EPC1: variants seen among roughly 807,000 people sequenced by gnomAD.
The protein encoded by EPC1 is enhancer of polycomb homolog 1.
Under a neutral mutation model 98.4 loss-of-function variants are expected in EPC1, and 12 were observed. The ratio of observed to expected loss-of-function variants is 0.12; its 90% CI spans 0.08 to 0.20. The LOEUF is 0.20. EPC1 is among the 10% of genes least tolerant of loss of function. The probability of loss-of-function intolerance (pLI) is 1.00; values close to 1 mark genes in which losing one functional copy is unlikely to be tolerated. For synonymous variants in EPC1, 357 were observed against 363.9 expected (o/e 0.98, Z 0.21); for missense variants, 729 against 990.5 (o/e 0.74, Z 3.54).
intron 1 of EPC1, among the ~76,000 whole-genome samples, chr10:32,358,218 G>T (rs1480541421): frequency 6.6e-6 from 1 of 152,120 alleles, no homozygotes; most frequent in African/African-American, 2.4e-5. Context: ...ACTATTATTT[G>T]ACAAAGATAC....
chr10:32,354,379 G>A (rs896232609), intron 1 of EPC1, among the ~76,000 whole-genome samples: 15 of 152,044 alleles, frequency 9.9e-5, no homozygotes, highest in African/African-American at 3.6e-4. Context: ...GTGTGGACCC[G>A]GGAGGCGGAG....
chr10:32,345,078 TTAGAAA>T lies in EPC1; in HGVS notation c.153+1679_153+1684del, dbSNP rs1252631514. ...TACTTGAAAGTATTATCTGTAAAAC[TTAGAAA>T]TAAAAATAAAACCAAAAGACAAGAT... On this transcript the variant is annotated intron_variant, in intron 1 of 13. Coordinates refer to ENST00000319778, the MANE Select transcript of EPC1 (RefSeq NM_001272004.3). The T allele has an allele frequency of 4.4e-6, 4 of 900,756 alleles. No homozygotes were observed. In the East Asian group the frequency reaches 3.6e-4, roughly 80 times the overall value. The allele number at this position is 900,756 out of a possible 1,614,324, so 55.8% of individuals were successfully genotyped here.
At chr10:32,270,816 G>A (rs1424699140) in intron 13 of EPC1, among the ~76,000 whole-genome samples, 15 of 84,444 alleles carry the variant, frequency 1.8e-4, no homozygotes, top group Admixed American at 3.8e-4. Flanking sequence ...AGCGAGACTC[G>A]GTCTCAAAAA....
intron 2 of EPC1, among the ~76,000 whole-genome samples, chr10:32,299,517 G>C (rs909372422): frequency 4.8e-5 from 7 of 147,208 alleles, no homozygotes; most frequent in African/African-American, 1.8e-4. Flanking sequence ...ATGTTTTTTG[G>C]GTATGTCCCC....
intron 1 of EPC1, among the ~76,000 whole-genome samples, chr10:32,358,287 A>G (rs16933278): frequency 0.024 from 3,653 of 152,326 alleles, 148 homozygotes; most frequent in African/African-American, 0.082. Flanking sequence ...TATAGAATGC[A>G]CTGACTTTTC....
chr10:32,361,658 T>G (rs758196361), intron 1 of EPC1, among the ~76,000 whole-genome samples: 18 of 152,216 alleles, frequency 1.2e-4, no homozygotes, highest in Non-Finnish European at 2.5e-4. Context: ...ATCTATGTGC[T>G]TCCAAGCTTC....
intron 5 of EPC1, chr10:32,291,600 A>G (rs45489493): frequency 0.091 from 17,267 of 189,270 alleles, 1,002 homozygotes; most frequent in Non-Finnish European, 0.12. Flanking sequence ...TTTGACCAAC[A>G]TATAAAATAT....
At chr10:32,370,705 G>C (rs1839720638) in intron 1 of EPC1, among the ~76,000 whole-genome samples, 1 of 152,186 alleles carries the variant, frequency 6.6e-6, no homozygotes, top group Admixed American at 6.5e-5. Flanking sequence ...CGATATGGTA[G>C]CTACTAGCTG....
rs557829531 is a variant in EPC1 at position 32,311,709 on chromosome 10, C to T, written c.154-5778G>A. On this transcript the variant is annotated intron_variant, in intron 1 of 13. Transcript: ENST00000319778. The stretch of plus-strand genomic sequence containing the variant: ...CTGTGTATGCTATATTTTTCCTATA[C>T]GTACATACCTATGATAAAGCTTAAT... Among the ~76,000 whole-genome samples, 137 of 152,224 alleles carry T rather than the reference C, an allele frequency of 9.0e-4. 1 individual carries two copies. The highest frequency in any genetic ancestry group is 3.2e-3 in the African/African-American group (134 of 41,546).
At chr10:32,276,530 A>C (rs1245758246) in intron 10 of EPC1, among the ~76,000 whole-genome samples, 1 of 152,182 alleles carries the variant, frequency 6.6e-6, no homozygotes, top group Non-Finnish European at 1.5e-5. Context: ...ATACATAAAT[A>C]AATAAAATGA....
intron 6 of EPC1, among the ~76,000 whole-genome samples, chr10:32,288,853 G>A (rs1312028066): frequency 6.6e-6 from 1 of 152,106 alleles, no homozygotes; most frequent in Non-Finnish European, 1.5e-5. Flanking sequence ...ACTTTGGGAG[G>A]CCAAGGCGGG....
intron 1 of EPC1, among the ~76,000 whole-genome samples, chr10:32,355,775 TA>T (rs1361862427): frequency 6.6e-6 from 1 of 152,108 alleles, no homozygotes; most frequent in Non-Finnish European, 1.5e-5. Flanking sequence ...CACACCCAGC[TA>T]ATTTTTGTAT....
intron 1 of EPC1, among the ~76,000 whole-genome samples, chr10:32,344,221 T>C (rs560433287): frequency 6.6e-6 from 1 of 152,332 alleles, no homozygotes; most frequent in Admixed American, 6.5e-5. Context: ...CTACTTTCAA[T>C]ATTATGATTT....
chr10:32,272,351 T>C, intron 11 of EPC1, 184 bp from the exon 12 acceptor site: 1 of 529,116 alleles, frequency 1.9e-6, no homozygotes, highest in South Asian at 3.4e-5. Context: ...ATATATTTGA[T>C]AAGTGAAAAG....
intron 2 of EPC1, among the ~76,000 whole-genome samples, chr10:32,301,544 G>C (rs1835543119): frequency 6.6e-6 from 1 of 152,172 alleles, no homozygotes; most frequent in Admixed American, 6.5e-5. Flanking sequence ...CTATAGAGTT[G>C]CAATACTCAA....
chr10:32,376,101 A>C (rs1839866526), intron 1 of EPC1, among the ~76,000 whole-genome samples: 1 of 152,030 alleles, frequency 6.6e-6, no homozygotes, highest in Non-Finnish European at 1.5e-5. Context: ...GTGATGTAAG[A>C]GTCATATATA....
chr10:32,372,714 A>G (rs1839783981), intron 1 of EPC1, among the ~76,000 whole-genome samples: 1 of 152,242 alleles, frequency 6.6e-6, no homozygotes, highest in Non-Finnish European at 1.5e-5. Context: ...CAGCAATATC[A>G]TAGAGCACAT....
At chr10:32,273,342 T>C in intron 10 of EPC1, 61 bp from the exon 11 acceptor site, 1 of 1,552,746 alleles carries the variant, frequency 6.4e-7, no homozygotes, top group South Asian at 1.2e-5. Context: ...TGTCTTACAG[T>C]ACTAAAACAA....
chr10:32,341,396 T>C (rs1838344615), intron 1 of EPC1, among the ~76,000 whole-genome samples: 1 of 152,110 alleles, frequency 6.6e-6, no homozygotes, highest in African/African-American at 2.4e-5. Flanking sequence ...CACAGTAGAA[T>C]GCAAAATATA....
Sources: allele counts gnomAD v4.1 joint callset (sites outside exome capture counted in the v4.1 genomes callset), GRCh38; gene constraint gnomAD v4.1.1; transcripts MANE v1.5; gene names NCBI Gene and HGNC (gene_info 2026-07-23, HGNC 2026-07-21).